The following PTPRJ variants were observed in gnomAD, a reference collection of about 807,000 sequenced individuals.
PTPRJ encodes receptor-type tyrosine-protein phosphatase eta.
Under a neutral mutation model 141.3 loss-of-function variants are expected in PTPRJ, and 129 were observed. The ratio of observed to expected loss-of-function variants is 0.91; its 90% CI spans 0.79 to 1.06. The LOEUF is 1.06. Ranked by LOEUF, PTPRJ falls within the 50% of genes least tolerant of loss-of-function variation. The pLI is 0.00. For missense variants in PTPRJ, 1,601 were observed against 1,679.7 expected, an observed-to-expected ratio of 0.95 and a Z score of 0.82; for synonymous variants, 610 against 640.5, an observed-to-expected ratio of 0.95 and a Z score of 0.72.
chr11:48,098,814 C>CCTCT (rs1856082025), intron 1 of PTPRJ, among the ~76,000 whole-genome samples: 3 of 15,868 alleles, frequency 1.9e-4, no homozygotes, highest in Non-Finnish European at 1.0e-3. Context: ...CCACCGCGCC[C>CCTCT]GGCCTTTATC....
At chr11:48,045,599 G>C (rs1854372842) in intron 1 of PTPRJ, among the ~76,000 whole-genome samples, 2 of 152,168 alleles carry the variant, frequency 1.3e-5, no homozygotes, top group Non-Finnish European at 2.9e-5. Flanking sequence ...CCTTTTCTCT[G>C]CCCGCCTGTG....
chr11:48,051,039 G>A (rs1408555916), intron 1 of PTPRJ, among the ~76,000 whole-genome samples: 2 of 148,492 alleles, frequency 1.3e-5, no homozygotes, highest in African/African-American at 5.0e-5. Context: ...TTCCAGTCAG[G>A]ACTAATATAG....
At chr11:48,080,073 C>T (rs1228728526) in intron 1 of PTPRJ, among the ~76,000 whole-genome samples, 3 of 152,096 alleles carry the variant, frequency 2.0e-5, no homozygotes, top group Non-Finnish European at 4.4e-5. Flanking sequence ...TTCCTGGGGA[C>T]AAAAGCCTCT....
chr11:48,054,557 C>T (rs1449218332), intron 1 of PTPRJ, among the ~76,000 whole-genome samples: 1 of 152,084 alleles, frequency 6.6e-6, no homozygotes, highest in African/African-American at 2.4e-5. Context: ...GTTAGAAGCA[C>T]ATCATCTTCT....
At chr11:47,983,518 G>A (rs1429344274) in intron 1 of PTPRJ, among the ~76,000 whole-genome samples, 5 of 152,314 alleles carry the variant, frequency 3.3e-5, no homozygotes, top group Middle Eastern at 3.4e-3. Context: ...CTGAGATGCC[G>A]GAAGGCTCAG....
rs191294171 is a variant in PTPRJ, at chr11:48,023,433, C to G, written c.96+42425C>G. 4.6e-5 allele frequency among the ~76,000 whole-genome samples: 7 copies of G among 152,264 alleles called. No homozygotes were observed. The East Asian group carries it at 1.2e-3, about 25-fold the overall frequency. ...TAGAAAAACCATTCTCAGGATGAATCTTTGGCTTTCTGAATCAGAGTTTTC... is the reference window on the plus strand; with the variant it reads ...TAGAAAAACCATTCTCAGGATGAATGTTTGGCTTTCTGAATCAGAGTTTTC... On this transcript the variant is annotated intron_variant, in intron 1 of 24. Coordinates refer to ENST00000418331, the MANE Select transcript of PTPRJ (RefSeq NM_002843.4).
At chr11:48,075,027 G>A (rs1183954724) in intron 1 of PTPRJ, among the ~76,000 whole-genome samples, 1 of 152,186 alleles carries the variant, frequency 6.6e-6, no homozygotes, top group Non-Finnish European at 1.5e-5. Context: ...TATACCAGCT[G>A]AGACAGCTGA....
chr11:48,167,095 A>T, intron 24 of PTPRJ, 109 bp from the exon 25 acceptor site: 1 of 978,186 alleles, frequency 1.0e-6, no homozygotes, highest in Non-Finnish European at 1.6e-6. Context: ...TGTTGGGTGG[A>T]TGGGGTTTGG....
intron 1 of PTPRJ, among the ~76,000 whole-genome samples, chr11:48,051,737 G>C (rs1854576179): frequency 2.0e-5 from 3 of 152,154 alleles, no homozygotes; most frequent in Admixed American, 2.0e-4. Context: ...AAACTTTTTG[G>C]GGCTCAGCTC....
At chr11:48,064,510 C>A (rs892044792) in intron 1 of PTPRJ, among the ~76,000 whole-genome samples, 6 of 152,214 alleles carry the variant, frequency 3.9e-5, no homozygotes, top group Admixed American at 3.3e-4. Context: ...TCTGCCCGAG[C>A]CTTTCCTGCT....
intron 18 of PTPRJ, 74 bp downstream of exon 18, chr11:48,150,257 A>T: frequency 3.9e-6 from 5 of 1,289,454 alleles, no homozygotes; most frequent in Non-Finnish European, 5.6e-6. Context: ...GAGTTGGTGG[A>T]TGGGTGGCAG....
At chr11:48,129,361 G>A (rs1416776687) in intron 7 of PTPRJ, among the ~76,000 whole-genome samples, 1 of 152,176 alleles carries the variant, frequency 6.6e-6, no homozygotes, top group African/African-American at 2.4e-5. Context: ...ATAGATGACT[G>A]TCTTCTCCCT....
chr11:48,019,829 A>C (rs1460288343), intron 1 of PTPRJ, among the ~76,000 whole-genome samples: 1 of 152,216 alleles, frequency 6.6e-6, no homozygotes, highest in Non-Finnish European at 1.5e-5. Flanking sequence ...TCTGGGTGCA[A>C]CTGGGGACAG....
chr11:47,980,704 G>A lies in PTPRJ; in HGVS notation c.-209G>A, dbSNP rs1185878155. On this transcript the variant is annotated 5_prime_UTR_variant, in exon 1 of 25. Transcript: ENST00000418331. The stretch of plus-strand genomic sequence containing the variant: ...GGGACGCGGCCCCCCCGCGGCAGCC[G>A]CGCTAGGCTCCGGCGTGTGGCCGCG... 6 of 994,646 alleles carry A rather than the reference G, an allele frequency of 6.0e-6. No individual in the cohort carries two copies. Among genetic ancestry groups the A allele is most frequent in the East Asian group, 2.2e-4 (2 of 9,160 alleles). 61.6% of individuals were successfully genotyped at this position (994,646 alleles called of 1,614,324 possible). A position where few individuals can be genotyped will look rare whatever the true frequency, so the allele number is the denominator to read the frequency against.
chr11:48,058,057 A>G (rs1407041175), intron 1 of PTPRJ, among the ~76,000 whole-genome samples: 1 of 151,952 alleles, frequency 6.6e-6, no homozygotes, highest in Admixed American at 6.6e-5. Context: ...GATTACAGGC[A>G]TGTGCCACCA....
intron 1 of PTPRJ, among the ~76,000 whole-genome samples, chr11:48,040,313 A>G (rs1475837193): frequency 6.6e-6 from 1 of 152,250 alleles, no homozygotes; most frequent in Non-Finnish European, 1.5e-5. Context: ...AGTGAGATGT[A>G]AACATTTACC....
At chr11:48,101,352 C>T (rs957156333) in intron 1 of PTPRJ, among the ~76,000 whole-genome samples, 8 of 152,086 alleles carry the variant, frequency 5.3e-5, no homozygotes, top group Admixed American at 2.0e-4. Flanking sequence ...TGGTGGGACT[C>T]GGTGGGGTGG....
chr11:48,047,301 T>G (rs1854433369), intron 1 of PTPRJ, among the ~76,000 whole-genome samples: 1 of 152,108 alleles, frequency 6.6e-6, no homozygotes, highest in Non-Finnish European at 1.5e-5. Flanking sequence ...AACACATTTT[T>G]TAAAAAGTTG....
intron 1 of PTPRJ, among the ~76,000 whole-genome samples, chr11:48,055,053 G>A (rs182258057): frequency 1.3e-5 from 2 of 152,054 alleles, no homozygotes; most frequent in Admixed American, 6.6e-5. Flanking sequence ...AGGCATAGTG[G>A]TGCATGCTTG....
Sources: allele counts gnomAD v4.1 joint callset (sites outside exome capture counted in the v4.1 genomes callset), GRCh38; gene constraint gnomAD v4.1.1; transcripts MANE v1.5; gene names NCBI Gene and HGNC (gene_info 2026-07-23, HGNC 2026-07-21).